GALNT13: variants seen among roughly 807,000 people sequenced by gnomAD.
The protein encoded by GALNT13 is polypeptide N-acetylgalactosaminyltransferase 13.
A neutral mutation model predicts 64.2 loss-of-function variants in GALNT13; 28 were observed. The observed-to-expected ratio is 0.44, with a 90% confidence interval of 0.32 to 0.60. The LOEUF is 0.60. Ranked by LOEUF, GALNT13 falls within the 20% of genes least tolerant of loss-of-function variation. GALNT13 has a pLI of 0.05. For missense variants in GALNT13, 577 were observed against 669.8 expected, an observed-to-expected ratio of 0.86 and a Z score of 1.53; for synonymous variants, 214 against 224.6, an observed-to-expected ratio of 0.95 and a Z score of 0.42.
intron 4 of GALNT13, among the ~76,000 whole-genome samples, chr2:154,178,653 T>G (rs891673628): frequency 6.6e-6 from 1 of 152,164 alleles, no homozygotes. Context: ...ATTAACATAT[T>G]CTTCAAGTCT....
the GALNT13 span, among the ~76,000 whole-genome samples, chr2:153,714,810 T>C: frequency 2.6e-5 from 4 of 152,100 alleles, no homozygotes; most frequent in African/African-American, 9.7e-5. Context: ...GAATCTAGAG[T>C]ATAAAGAAAA....
chr2:154,191,662 A>T (rs1686585476), intron 4 of GALNT13, among the ~76,000 whole-genome samples: 1 of 152,160 alleles, frequency 6.6e-6, no homozygotes, highest in African/African-American at 2.4e-5. Flanking sequence ...AAGTTCCCTT[A>T]TCCCCCTCAC....
At chr2:153,811,896 AATCTCT>A in the GALNT13 span, among the ~76,000 whole-genome samples, 4 of 152,204 alleles carry the variant, frequency 2.6e-5, no homozygotes, top group Admixed American at 1.3e-4. Flanking sequence ...ATGTTTTCTC[AATCTCT>A]ATCTCTTTTT....
chr2:154,104,593 T>C (rs1316703728), intron 3 of GALNT13, among the ~76,000 whole-genome samples: 12 of 152,304 alleles, frequency 7.9e-5, no homozygotes, highest in Non-Finnish European at 1.5e-4. Flanking sequence ...GCTCCCCTCT[T>C]TTGAAGACTT....
At chr2:153,438,915 G>A in the GALNT13 span, among the ~76,000 whole-genome samples, 1 of 152,048 alleles carries the variant, frequency 6.6e-6, no homozygotes, top group African/African-American at 2.4e-5. Context: ...TGAGTTTCCA[G>A]TTTTTCTGCT....
chr2:154,215,710 A>C (rs1314078045), intron 4 of GALNT13, among the ~76,000 whole-genome samples: 1 of 152,112 alleles, frequency 6.6e-6, no homozygotes, highest in Non-Finnish European at 1.5e-5. Context: ...TAAAGAGAAG[A>C]ATTTTTTTTC....
chr2:154,435,876 T>C (rs983125743), intron 11 of GALNT13: 1 of 152,144 alleles, frequency 6.6e-6, no homozygotes, highest in African/African-American at 2.4e-5. Context: ...ATGAAAAAAA[T>C]TTTAATAATG....
the GALNT13 span, among the ~76,000 whole-genome samples, chr2:153,833,555 G>C: frequency 6.6e-6 from 1 of 152,100 alleles, no homozygotes. Context: ...ATTAGTAATT[G>C]TTGATAATCT....
chr2:154,175,060 A>C (rs886721877), intron 4 of GALNT13, among the ~76,000 whole-genome samples: 1 of 152,142 alleles, frequency 6.6e-6, no homozygotes, highest in Admixed American at 6.6e-5. Context: ...ATAATGCATA[A>C]TATTCCCTAT....
At chr2:153,349,034 C>G in the GALNT13 span, among the ~76,000 whole-genome samples, 134 of 152,292 alleles carry the variant, frequency 8.8e-4, no homozygotes, top group Non-Finnish European at 5.0e-4. Context: ...GCCACCATTA[C>G]AGACAGTGGC....
the GALNT13 span, among the ~76,000 whole-genome samples, chr2:153,217,864 C>T: frequency 1.3e-5 from 2 of 152,006 alleles, no homozygotes; most frequent in African/African-American, 4.8e-5. Flanking sequence ...TCATATGCCT[C>T]ATTATTTTTA....
chr2:153,768,584 G>A, the GALNT13 span, among the ~76,000 whole-genome samples: 2 of 152,174 alleles, frequency 1.3e-5, no homozygotes, highest in Middle Eastern at 3.4e-3. Flanking sequence ...TAAAATCTGG[G>A]ACAGGCACAG....
chr2:153,786,644 C>G, the GALNT13 span, among the ~76,000 whole-genome samples: 2 of 152,050 alleles, frequency 1.3e-5, no homozygotes, highest in Admixed American at 1.3e-4. Context: ...CCCCAACAAG[C>G]AGGGCCCCAA....
At chr2:153,378,446 A>G in the GALNT13 span, among the ~76,000 whole-genome samples, 1 of 152,070 alleles carries the variant, frequency 6.6e-6, no homozygotes, top group Non-Finnish European at 1.5e-5. Flanking sequence ...AGAGAAAATA[A>G]TTTTTTTGCA....
the GALNT13 span, among the ~76,000 whole-genome samples, chr2:153,120,929 C>T: frequency 1.3e-5 from 2 of 152,260 alleles, no homozygotes; most frequent in South Asian, 2.1e-4. Flanking sequence ...TGATCTGCTC[C>T]AAAGTATTAG....
chr2:154,417,114 G>T (rs1700043067), intron 11 of GALNT13, among the ~76,000 whole-genome samples: 1 of 151,722 alleles, frequency 6.6e-6, no homozygotes, highest in South Asian at 2.1e-4. Context: ...TAATAACTCA[G>T]CTTTCTAAAT....
At chr2:153,338,476 G>T in the GALNT13 span, among the ~76,000 whole-genome samples, 1 of 152,034 alleles carries the variant, frequency 6.6e-6, no homozygotes, top group African/African-American at 2.4e-5. Flanking sequence ...TTAAAAGTCT[G>T]CAATTATTTT....
chr2:154,003,407 T>G (rs2105226776), intron 3 of GALNT13, among the ~76,000 whole-genome samples: 1 of 152,260 alleles, frequency 6.6e-6, no homozygotes, highest in South Asian at 2.1e-4. Flanking sequence ...CAGCTGTGGC[T>G]TCTGTCATTT....
intron 4 of GALNT13, among the ~76,000 whole-genome samples, chr2:154,144,892 C>T (rs139925720): frequency 0.013 from 2,011 of 151,424 alleles, 39 homozygotes; most frequent in African/African-American, 0.044. Context: ...TTTTAATACA[C>T]GCAACACATT....
Sources: allele counts gnomAD v4.1 joint callset (sites outside exome capture counted in the v4.1 genomes callset), GRCh38; gene constraint gnomAD v4.1.1; transcripts MANE v1.5; gene names NCBI Gene and HGNC (gene_info 2026-07-23, HGNC 2026-07-21).